MEGF9: variants seen among roughly 807,000 people sequenced by gnomAD.
MEGF9 encodes multiple epidermal growth factor-like domains protein 9.
In MEGF9, 6 loss-of-function variants were observed where a neutral mutation model predicts 46.8. The ratio of observed to expected loss-of-function variants is 0.13; its 90% CI spans 0.07 to 0.25. MEGF9 has a LOEUF of 0.25. Ranked by LOEUF, MEGF9 falls within the 10% of genes least tolerant of loss-of-function variation. The pLI is 1.00. For synonymous variants in MEGF9, 302 were observed against 330.7 expected (o/e 0.91, Z 0.94); for missense variants, 683 against 792.4 (o/e 0.86, Z 1.66).
chr9:120,713,136 A>C (rs527647336), intron 1 of MEGF9, among the ~76,000 whole-genome samples: 56 of 152,382 alleles, frequency 3.7e-4, no homozygotes, highest in African/African-American at 1.3e-3. Flanking sequence ...GCCTAGATAC[A>C]CACCTGTCCC....
chr9:120,633,607 T>A (rs958851230), intron 2 of MEGF9, among the ~76,000 whole-genome samples: 6 of 152,128 alleles, frequency 3.9e-5, no homozygotes, highest in Admixed American at 3.9e-4. Flanking sequence ...TTTGCCCTAA[T>A]CTTTATTATG....
chr9:120,703,749 G>C (rs1179964653), intron 1 of MEGF9, among the ~76,000 whole-genome samples: 3 of 152,010 alleles, frequency 2.0e-5, no homozygotes, highest in African/African-American at 7.2e-5. Context: ...GAGACGGGTG[G>C]ATCACCTAAG....
At chr9:120,656,215 G>A (rs1362403631) in intron 2 of MEGF9, among the ~76,000 whole-genome samples, 3 of 152,076 alleles carry the variant, frequency 2.0e-5, no homozygotes, top group Admixed American at 6.6e-5. Context: ...GTCAAAATGG[G>A]AAAATAATAA....
chr9:120,657,078 A>G (rs779567880), intron 2 of MEGF9, among the ~76,000 whole-genome samples: 6 of 152,240 alleles, frequency 3.9e-5, no homozygotes, highest in Non-Finnish European at 5.9e-5. Flanking sequence ...TTATGTTTGC[A>G]GCCCATACAG....
chr9:120,646,385 C>G (rs1229639648), intron 2 of MEGF9, among the ~76,000 whole-genome samples: 1 of 152,172 alleles, frequency 6.6e-6, no homozygotes, highest in African/African-American at 2.4e-5. Flanking sequence ...CTGACCCCAA[C>G]AGGACTTACC....
intron 2 of MEGF9, among the ~76,000 whole-genome samples, chr9:120,628,376 C>T (rs547723461): frequency 6.7e-6 from 1 of 148,468 alleles, no homozygotes; most frequent in Admixed American, 6.8e-5. Context: ...AAACATTGGG[C>T]TATTATGCTA....
intron 3 of MEGF9, among the ~76,000 whole-genome samples, chr9:120,618,786 G>A (rs981906019): frequency 2.0e-5 from 3 of 151,720 alleles, no homozygotes; most frequent in African/African-American, 7.3e-5. Flanking sequence ...TGTAATCCCA[G>A]CTACTTGGGA....
intron 2 of MEGF9, among the ~76,000 whole-genome samples, chr9:120,630,178 C>CTTCCCCTCCCACCTTTT (rs2043544344): frequency 6.6e-6 from 1 of 152,202 alleles, no homozygotes; most frequent in African/African-American, 2.4e-5. Context: ...CTTTGGCTAT[C>CTTCCCCTCCCACCTTTT]TTCCCCTCCC....
chr9:120,684,279 T>G (rs2043811640), intron 1 of MEGF9, among the ~76,000 whole-genome samples: 1 of 152,256 alleles, frequency 6.6e-6, no homozygotes, highest in Non-Finnish European at 1.5e-5. Flanking sequence ...AAATTAAGTC[T>G]GCTTGCTTTC....
chr9:120,608,878 G>T (rs889723482), intron 4 of MEGF9, among the ~76,000 whole-genome samples: 1 of 152,184 alleles, frequency 6.6e-6, no homozygotes, highest in African/African-American at 2.4e-5. Context: ...CCTGATTAAA[G>T]TCTTTCCAAT....
chr9:120,633,106 A>T (rs2043557728), intron 2 of MEGF9, among the ~76,000 whole-genome samples: 1 of 152,218 alleles, frequency 6.6e-6, no homozygotes, highest in Non-Finnish European at 1.5e-5. Context: ...CTAGCCTTAC[A>T]GAATGAGTTA....
intron 1 of MEGF9, among the ~76,000 whole-genome samples, chr9:120,677,202 C>G (rs1416783261): frequency 1.3e-5 from 2 of 152,090 alleles, no homozygotes; most frequent in Non-Finnish European, 1.5e-5. Flanking sequence ...GATCACAGCT[C>G]ACCGCAGCCT....
intron 1 of MEGF9, among the ~76,000 whole-genome samples, chr9:120,694,592 A>C (rs1051119248): frequency 6.6e-6 from 1 of 152,226 alleles, no homozygotes; most frequent in African/African-American, 2.4e-5. Flanking sequence ...TTTTTTAAAC[A>C]TAAGTACAAG....
chr9:120,609,781 T>G (rs955293961), intron 4 of MEGF9, among the ~76,000 whole-genome samples: 2 of 152,190 alleles, frequency 1.3e-5, no homozygotes, highest in African/African-American at 4.8e-5. Flanking sequence ...ATCACCCTGT[T>G]ATCTAAACAC....
chr9:120,656,416 G>A (rs904104926), intron 2 of MEGF9, among the ~76,000 whole-genome samples: 8 of 151,490 alleles, frequency 5.3e-5, no homozygotes, highest in Admixed American at 2.0e-4. Context: ...GCGTGGTGGC[G>A]GGTGCCTGTA....
chr9:120,676,309 C>G (rs1253141678), intron 1 of MEGF9, among the ~76,000 whole-genome samples: 1 of 152,164 alleles, frequency 6.6e-6, no homozygotes, highest in South Asian at 2.1e-4. Flanking sequence ...TAACATGTGT[C>G]TCCACTTATT....
chr9:120,703,022 T>C (rs1055301497), intron 1 of MEGF9, among the ~76,000 whole-genome samples: 1 of 152,234 alleles, frequency 6.6e-6, no homozygotes, highest in African/African-American at 2.4e-5. Flanking sequence ...AGTCATCAAA[T>C]GTTCATTTGT....
At chr9:120,711,722 A>G (rs1445215933) in intron 1 of MEGF9, among the ~76,000 whole-genome samples, 1 of 152,194 alleles carries the variant, frequency 6.6e-6, no homozygotes, top group African/African-American at 2.4e-5. Context: ...CTTAAATGCT[A>G]CTGTATGCTT....
chr9:120,637,790 C>CAA (rs34861368), intron 2 of MEGF9, among the ~76,000 whole-genome samples: 14,245 of 34,726 alleles, frequency 0.41, 5,718 homozygotes, highest in South Asian at 0.68. Flanking sequence ...GACTCTGTCT[C>CAA]AAAAAAAAAA....
Sources: allele counts gnomAD v4.1 joint callset (sites outside exome capture counted in the v4.1 genomes callset), GRCh38; gene constraint gnomAD v4.1.1; transcripts MANE v1.5; gene names NCBI Gene and HGNC (gene_info 2026-07-23, HGNC 2026-07-21).